Variants in REV3L observed in about 807,000 individuals in gnomAD.
REV3L encodes the protein DNA polymerase zeta catalytic subunit.
Under a neutral mutation model 299.4 loss-of-function variants are expected in REV3L, and 69 were observed. The observed-to-expected ratio is 0.23, with a 90% confidence interval of 0.19 to 0.28. REV3L has a LOEUF of 0.28. Ranked by LOEUF, REV3L falls within the 10% of genes least tolerant of loss-of-function variation. The probability of loss-of-function intolerance (pLI) is 1.00; values close to 1 mark genes in which losing one functional copy is unlikely to be tolerated. For missense variants in REV3L, 3,128 were observed against 3,693.8 expected (o/e 0.85, Z 3.97); for synonymous variants, 1,238 against 1,271.4 (o/e 0.97, Z 0.56).
chr6:111,437,462 C>A (rs1291892727), intron 1 of REV3L, among the ~76,000 whole-genome samples: 4 of 151,200 alleles, frequency 2.6e-5, no homozygotes, highest in African/African-American at 9.7e-5. Flanking sequence ...TAAAATATTT[C>A]AATTAAAAAT....
chr6:111,377,351 T>C (rs1780419799), intron 12 of REV3L, among the ~76,000 whole-genome samples: 1 of 152,202 alleles, frequency 6.6e-6, no homozygotes, highest in South Asian at 2.1e-4. Flanking sequence ...TATTATTTTT[T>C]TTGGAGGCAG....
chr6:111,449,711 T>C (rs1789278665), intron 1 of REV3L, among the ~76,000 whole-genome samples: 1 of 152,040 alleles, frequency 6.6e-6, no homozygotes. Context: ...GATTACACTA[T>C]CTCCAAATAA....
Position 111,381,377 on chromosome 6 carries a change from A to G in REV3L, c.1164T>C (p.Asn388=), listed in dbSNP as rs1454426045. The change falls in exon 10 of 32, where the codon AAT becomes AAC. Residue 388 remains asparagine (N), a synonymous_variant. Transcript: ENST00000368802. ...NEEAILNLME[N]SQTFQPLTQR... ...GGGTCAAAGGCTGAAAAGTCTGACTATTTTCCATAAGGTTCAAAATTGCTT... is the reference window on the plus strand; with the variant it reads ...GGGTCAAAGGCTGAAAAGTCTGACTGTTTTCCATAAGGTTCAAAATTGCTT... The G allele has an allele frequency of 1.2e-6, 2 of 1,613,538 alleles. No individual in the cohort carries two copies. Among genetic ancestry groups the G allele is most frequent in the East Asian group, 2.2e-5 (1 of 44,798 alleles).
In REV3L at chr6:111,307,528, G is replaced by A. The variant is rs745859651; in HGVS notation, c.9085C>T (p.Arg3029Trp). 7.4e-6 allele frequency: 12 copies of A among 1,614,022 alleles called. No homozygotes were observed. The highest frequency in any genetic ancestry group is 2.2e-5 in the East Asian group (1 of 44,898). Residue 3029 changes from arginine to tryptophan, a missense_variant, in exon 31 of 32, where the codon CGG becomes TGG. Arg to Trp is a moderately radical substitution (Grantham distance 101). Transcript: ENST00000368802. ...TSSSRSEPEGRKGTISQYFTT... is the reference protein window; with the variant it reads ...TSSSRSEPEGWKGTISQYFTT... ...AAATATTGTGAAATAGTGCCTTTCCGCCCTTCAGGTTCACTTCGCGAGGAG... is the reference window on the plus strand; with the variant it reads ...AAATATTGTGAAATAGTGCCTTTCCACCCTTCAGGTTCACTTCGCGAGGAG...
chr6:111,381,986 T>C (rs1464740933), intron 9 of REV3L, among the ~76,000 whole-genome samples: 1 of 152,332 alleles, frequency 6.6e-6, no homozygotes, highest in Admixed American at 6.5e-5. Context: ...ACTGTAGTTG[T>C]GGTTTCCCAT....
At chr6:111,465,745 C>CAAAAAAA (rs376561912) in intron 1 of REV3L, among the ~76,000 whole-genome samples, 8 of 76,846 alleles carry the variant, frequency 1.0e-4, no homozygotes, top group South Asian at 6.1e-4. Context: ...AAACAAAAAC[C>CAAAAAAA]AAAAAAAAAA....
rs763651116 is a variant in REV3L, at chr6:111,372,737, C to T, written c.5618G>A (p.Arg1873Gln). The change falls in exon 13 of 32, where the codon CGA becomes CAA. Residue 1873 changes from arginine to glutamine, a missense_variant. Physicochemically the swap from Arg to Gln is conservative, Grantham distance 43. Transcript: ENST00000368802. ...AAGTGGTTTCAGAATGTTAGCAGTTCGAGGGGTGAAGCTGCCATTTTTAGA... is the reference window on the plus strand; with the variant it reads ...AAGTGGTTTCAGAATGTTAGCAGTTTGAGGGGTGAAGCTGCCATTTTTAGA... ...SQSKNGSFTP[R>Q]TANILKPLMS... 2.5e-6 allele frequency: 4 copies of T among 1,611,526 alleles called. No individual in the cohort carries two copies. The highest frequency in any genetic ancestry group is 2.2e-5 in the East Asian group (1 of 44,866).
At chr6:111,422,631 CACATATATATATATAT>C (rs1785601927) in intron 1 of REV3L, among the ~76,000 whole-genome samples, 4 of 12,750 alleles carry the variant, frequency 3.1e-4, no homozygotes, top group African/African-American at 5.7e-4. Flanking sequence ...TATATATATA[CACATATATATATATAT>C]ACATATATAT....
intron 26 of REV3L, 57 bp downstream of exon 26, chr6:111,322,512 C>CA (rs1774294799): frequency 7.7e-7 from 1 of 1,306,138 alleles, no homozygotes; most frequent in Middle Eastern, 1.9e-4. Flanking sequence ...ATTTTAAACA[C>CA]TGAAATGAAG....
chr6:111,329,767 C>T, intron 24 of REV3L, 29 bp from the exon 25 acceptor site: 1 of 1,500,174 alleles, frequency 6.7e-7, no homozygotes, highest in Non-Finnish European at 9.2e-7. Context: ...ATGTTTAAAA[C>T]CCCTCAAACA....
chr6:111,305,141 A>C (rs550989265), intron 31 of REV3L, among the ~76,000 whole-genome samples: 1 of 152,028 alleles, frequency 6.6e-6, no homozygotes, highest in African/African-American at 2.4e-5. Context: ...GAATTTCTCC[A>C]TATTGGTCAG....
intron 6 of REV3L, 109 bp from the exon 7 acceptor site, chr6:111,389,319 T>G: frequency 1.2e-6 from 1 of 811,152 alleles, no homozygotes; most frequent in Non-Finnish European, 2.0e-6. Context: ...ATCACATATT[T>G]TGTGTAATAA....
intron 1 of REV3L, among the ~76,000 whole-genome samples, chr6:111,468,535 C>T (rs1466787538): frequency 6.6e-6 from 1 of 152,126 alleles, no homozygotes; most frequent in African/African-American, 2.4e-5. Flanking sequence ...AACACTCAAT[C>T]TCACTCATAA....
chr6:111,469,440 T>C (rs9400477), intron 1 of REV3L, among the ~76,000 whole-genome samples: 143,739 of 152,252 alleles, frequency 0.94, 67,887 homozygotes, highest in East Asian at 1. Context: ...TTAGTGCATG[T>C]TTCCTGAAAA....
intron 1 of REV3L, among the ~76,000 whole-genome samples, chr6:111,467,694 T>C (rs776398203): frequency 1.3e-5 from 2 of 152,234 alleles, no homozygotes; most frequent in Non-Finnish European, 2.9e-5. Flanking sequence ...TAAGTGATAA[T>C]TTGAAGTACT....
At chr6:111,429,391 A>G (rs967267347) in intron 1 of REV3L, among the ~76,000 whole-genome samples, 2 of 152,214 alleles carry the variant, frequency 1.3e-5, no homozygotes, top group Non-Finnish European at 2.9e-5. Flanking sequence ...AAAAATGCAC[A>G]TGGGAGTTCT....
intron 26 of REV3L, among the ~76,000 whole-genome samples, chr6:111,322,036 A>G (rs1220702243): frequency 6.6e-6 from 1 of 152,198 alleles, no homozygotes; most frequent in African/African-American, 2.4e-5. Flanking sequence ...ATTATTTGCC[A>G]ATCCATAAAT....
intron 18 of REV3L, among the ~76,000 whole-genome samples, chr6:111,353,108 T>C (rs1176088059): frequency 1.3e-5 from 2 of 152,204 alleles, no homozygotes; most frequent in Non-Finnish European, 2.9e-5. Flanking sequence ...AATTGTGAGA[T>C]GTGCAGCCTG....
rs56298245 is a variant in REV3L at position 111,341,982 on chromosome 6, GAA to G, written c.7538+1941_7538+1942del. On this transcript the variant is annotated intron_variant, in intron 21 of 31. Coordinates refer to ENST00000368802, the MANE Select transcript of REV3L (RefSeq NM_001372078.1). ...ACCTTGGCATTCAGTTGTGAGCCCA[GAA>G]AAAAACAGAGGCCTTTGCCCTAGAG... 2.2e-3 allele frequency among the ~76,000 whole-genome samples: 332 copies of G among 151,894 alleles called. 1 individual carries two copies. Among genetic ancestry groups the G allele is most frequent in the African/African-American group, 7.6e-3 (313 of 41,366 alleles).
Sources: allele counts gnomAD v4.1 joint callset (sites outside exome capture counted in the v4.1 genomes callset), GRCh38; gene constraint gnomAD v4.1.1; transcripts MANE v1.5; gene names NCBI Gene and HGNC (gene_info 2026-07-23, HGNC 2026-07-21).